COL23A1: variants seen among roughly 807,000 people sequenced by gnomAD.
COL23A1 encodes collagen alpha-1(XXIII) chain.
COL23A1 carries 97 observed loss-of-function variants against 99.3 expected under a neutral mutation model. The observed-to-expected ratio is 0.98, with a 90% CI of 0.83 to 1.16. COL23A1 has a LOEUF of 1.16. Among genes scored for constraint, COL23A1 ranks in the 50% most tolerant of loss-of-function variants. The probability of loss-of-function intolerance (pLI) is 0.00; values close to 1 mark genes in which losing one functional copy is unlikely to be tolerated. For synonymous variants in COL23A1, 320 were observed against 308.2 expected, an observed-to-expected ratio of 1.04 and a Z score of -0.40; for missense variants, 762 against 757.4, an observed-to-expected ratio of 1.01 and a Z score of -0.07.
intron 1 of COL23A1, among the ~76,000 whole-genome samples, chr5:178,566,382 A>C (rs1420873796): frequency 6.6e-6 from 1 of 152,220 alleles, no homozygotes; most frequent in Non-Finnish European, 1.5e-5. Flanking sequence ...CCAATTACAA[A>C]CCAAAAGTCA....
intron 17 of COL23A1, 42 bp from the exon 18 acceptor site, chr5:178,250,147 C>T (rs1409020925): frequency 6.2e-7 from 1 of 1,612,538 alleles, no homozygotes; most frequent in Non-Finnish European, 8.5e-7. Context: ...GCCTTCCTTT[C>T]CTAAAGAGGT....
Position 178,304,795 on chromosome 5 carries a change from T to C in COL23A1, c.406+2080A>G, listed in dbSNP as rs1361323460. On this transcript the variant is annotated intron_variant, in intron 3 of 28. Transcript: ENST00000390654. ...CAGCAGCTGGCCTCTGGCAAGGTAC[T>C]GTACCCCTTGGAGCCTCAGTTTCCT... 2.6e-5 allele frequency among the ~76,000 whole-genome samples: 4 copies of C among 152,218 alleles called. No homozygotes were observed. The East Asian group carries it at 5.8e-4, about 22-fold the overall frequency.
chr5:178,319,692 G>C (rs1295739950), intron 2 of COL23A1, among the ~76,000 whole-genome samples: 2 of 152,348 alleles, frequency 1.3e-5, no homozygotes, highest in Admixed American at 6.5e-5. Context: ...TGAGGGAAGA[G>C]TGCAGCAGCC....
At chr5:178,386,434 G>A (rs1050482586) in intron 2 of COL23A1, among the ~76,000 whole-genome samples, 9 of 121,894 alleles carry the variant, frequency 7.4e-5, no homozygotes, top group African/African-American at 2.4e-4. Context: ...GCGAGACTCC[G>A]TCTCCAAAAA....
intron 3 of COL23A1, among the ~76,000 whole-genome samples, chr5:178,301,026 G>A (rs62390192): frequency 2.5e-5 from 1 of 40,418 alleles, no homozygotes; most frequent in Non-Finnish European, 5.7e-5. Flanking sequence ...ATATTCCTTT[G>A]TTTCTTTCTC....
intron 2 of COL23A1, among the ~76,000 whole-genome samples, chr5:178,426,528 G>T (rs918980552): frequency 1.3e-5 from 2 of 152,152 alleles, no homozygotes; most frequent in Non-Finnish European, 1.5e-5. Context: ...GCTGCCATCC[G>T]GGCGCAGATC....
At position 178,394,503 on chromosome 5, in the gene COL23A1, A is replaced by G. The variant is rs550893960; in HGVS notation, c.362-87584T>C. 2.0e-4 allele frequency among the ~76,000 whole-genome samples: 30 copies of G among 152,348 alleles called. 2 individuals are homozygous for G. The South Asian group carries it at 5.2e-3, about 26-fold the overall frequency. On this transcript the variant is annotated intron_variant, in intron 2 of 28. Coordinates refer to ENST00000390654, the MANE Select transcript of COL23A1 (RefSeq NM_173465.4). ...CAGCACGGGGTACTTTTCCTGCTCC[A>G]AGAAATTAACTCATTTCAAAAGCCA...
At chr5:178,372,254 C>G (rs1762838679) in intron 2 of COL23A1, among the ~76,000 whole-genome samples, 1 of 152,216 alleles carries the variant, frequency 6.6e-6, no homozygotes. Context: ...GAGAGTGGTG[C>G]TGGGCTCCGA....
chr5:178,447,360 C>T (rs1179478465), intron 2 of COL23A1, among the ~76,000 whole-genome samples: 1 of 152,170 alleles, frequency 6.6e-6, no homozygotes. Context: ...TTCCAAAGTG[C>T]CCAACCACCT....
intron 2 of COL23A1, among the ~76,000 whole-genome samples, chr5:178,527,662 G>A (rs116503160): frequency 1.3e-5 from 2 of 152,322 alleles, no homozygotes; most frequent in African/African-American, 2.4e-5. Flanking sequence ...TCCCCAGTGG[G>A]GCACAACCTC....
chr5:178,504,582 T>A (rs764407305), intron 2 of COL23A1, among the ~76,000 whole-genome samples: 17 of 152,244 alleles, frequency 1.1e-4, no homozygotes, highest in Middle Eastern at 6.8e-3. Flanking sequence ...GCTGCTGCGA[T>A]GTGGACTGGA....
At chr5:178,580,265 C>T (rs1335389812) in intron 1 of COL23A1, among the ~76,000 whole-genome samples, 1 of 151,582 alleles carries the variant, frequency 6.6e-6, no homozygotes, top group Non-Finnish European at 1.5e-5. Flanking sequence ...GAGGCAGAGG[C>T]TGCAGTGAGC....
intron 2 of COL23A1, among the ~76,000 whole-genome samples, chr5:178,449,195 T>C (rs538552595): frequency 2.0e-5 from 3 of 152,262 alleles, no homozygotes; most frequent in African/African-American, 7.2e-5. Context: ...GTCTAAGTTA[T>C]CTTTGTTATG....
At chr5:178,490,696 C>T (rs761098737) in intron 2 of COL23A1, among the ~76,000 whole-genome samples, 25 of 152,082 alleles carry the variant, frequency 1.6e-4, no homozygotes, top group East Asian at 1.9e-4. Flanking sequence ...AGAACTGCTT[C>T]GGCCTGGGAG....
chr5:178,389,462 C>T (rs1477697103), intron 2 of COL23A1, among the ~76,000 whole-genome samples: 1 of 152,204 alleles, frequency 6.6e-6, no homozygotes, highest in African/African-American at 2.4e-5. Context: ...AGACCTCACC[C>T]AGATGGCGAG....
intron 1 of COL23A1, among the ~76,000 whole-genome samples, chr5:178,577,333 C>G (rs1244611570): frequency 3.3e-5 from 5 of 152,216 alleles, no homozygotes; most frequent in Non-Finnish European, 2.9e-5. Flanking sequence ...TCAGGGCCCC[C>G]CCACAACGAC....
chr5:178,451,635 C>T (rs1006890700), intron 2 of COL23A1, among the ~76,000 whole-genome samples: 6 of 122,616 alleles, frequency 4.9e-5, no homozygotes, highest in East Asian at 2.3e-4. Flanking sequence ...AGAGCCTGGG[C>T]GACAGAGCGA....
At chr5:178,326,867 CT>C (rs1195495834) in intron 2 of COL23A1, among the ~76,000 whole-genome samples, 1 of 152,200 alleles carries the variant, frequency 6.6e-6, no homozygotes, top group Non-Finnish European at 1.5e-5. Flanking sequence ...CTACAGGCGC[CT>C]GCCACCACGC....
intron 2 of COL23A1, among the ~76,000 whole-genome samples, chr5:178,330,242 A>G (rs1238511746): frequency 1.3e-5 from 2 of 152,206 alleles, no homozygotes; most frequent in Non-Finnish European, 2.9e-5. Context: ...CACGCACTGT[A>G]TTCTGTCGGC....
Sources: gnomAD v4.1 joint callset for allele counts (sites outside exome capture counted in the v4.1 genomes callset) on GRCh38, gnomAD v4.1.1 for gene constraint, MANE v1.5 for transcripts, NCBI Gene and HGNC (gene_info 2026-07-23, HGNC 2026-07-21) for gene names.